TPRN: variants seen among roughly 807,000 people sequenced by gnomAD.
The protein encoded by TPRN is chromosome 9 open reading frame 75.
A neutral mutation model predicts 42.6 loss-of-function variants in TPRN; 32 were observed. That is an observed-to-expected ratio of 0.75 (90% CI 0.57 to 1.01). The LOEUF (loss-of-function observed/expected upper bound fraction) is 1.01, where lower values mean the gene tolerates loss of function less well. TPRN is among the 50% of genes least tolerant of loss of function. The probability of loss-of-function intolerance (pLI) is 0.00; values close to 1 mark genes in which losing one functional copy is unlikely to be tolerated. For missense variants in TPRN, 1,095 were observed against 957.5 expected (o/e 1.14, Z -1.90); for synonymous variants, 541 against 445.6 (o/e 1.21, Z -2.70).
chr9:137,198,314 G>A (rs760497152), intron 1 of TPRN, among the ~76,000 whole-genome samples: 64 of 152,324 alleles, frequency 4.2e-4, no homozygotes, highest in Admixed American at 3.3e-4. Flanking sequence ...AGGATTCCAG[G>A]CCACTGGCCA....
In TPRN at chr9:137,199,432, G is replaced by A. The variant is rs377313060; in HGVS notation, c.1280C>T (p.Ser427Leu). Residue 427 changes from serine to leucine, a missense_variant, in exon 1 of 4, where the codon TCG (serine) becomes TTG (leucine). Ser to Leu is a moderately radical substitution (Grantham distance 145). Transcript: ENST00000409012. The part of the protein sequence containing the change: ...SSPPPFLPAA[S>L]EEAEPAEGLR... ...GCCCTCAGCAGGCTCAGCTTCTTCC[G>A]AAGCAGCCGGCAGGAAGGGGGGCGG... 53 of 1,610,730 alleles carry A rather than the reference G, an allele frequency of 3.3e-5. No homozygotes were observed. The highest frequency in any genetic ancestry group is 4.2e-5 in the Non-Finnish European group (49 of 1,179,214).
intron 1 of TPRN, among the ~76,000 whole-genome samples, chr9:137,198,493 C>T (rs560731046): frequency 2.0e-5 from 3 of 152,360 alleles, no homozygotes; most frequent in African/African-American, 7.2e-5. Flanking sequence ...GGCTGCACCC[C>T]AAGGCTGACT....
intron 3 of TPRN, 41 bp downstream of exon 3, chr9:137,192,218 G>A: frequency 1.2e-6 from 2 of 1,613,332 alleles, no homozygotes; most frequent in Non-Finnish European, 1.7e-6. Context: ...GCTCGCCCGG[G>A]TGTCAGACTC....
intron 1 of TPRN, among the ~76,000 whole-genome samples, chr9:137,197,072 C>T (rs1182776974): frequency 6.6e-6 from 1 of 152,188 alleles, no homozygotes; most frequent in Non-Finnish European, 1.5e-5. Context: ...AACCCAGCCG[C>T]AAATGACCCC....
intron 1 of TPRN, chr9:137,194,618 G>C (rs569968867): frequency 6.6e-6 from 1 of 152,474 alleles, no homozygotes; most frequent in East Asian, 1.9e-4. Flanking sequence ...GGTGCACATG[G>C]GCCCTGAGCC....
At chr9:137,193,717 T>G (rs539797154) in intron 1 of TPRN, 1 of 152,348 alleles carries the variant, frequency 6.6e-6, no homozygotes, top group East Asian at 1.9e-4. Flanking sequence ...GCTCGAAATA[T>G]TAAACTCTTC....
chr9:137,199,670 T>C lies in TPRN; in HGVS notation c.1042A>G (p.Arg348Gly). The C allele has an allele frequency of 6.3e-7, 1 of 1,596,588 alleles. No individual in the cohort carries two copies. Residue 348 changes from arginine to glycine, a missense_variant, in exon 1 of 4, where the codon AGG becomes GGG. Transcript: ENST00000409012. ...KASGAPPPEG[R>G]QSVELPKGDL... Reference sequence around the variant, plus strand: ...CCCTTTGGCAGCTCCACGGACTGCCTCCCCTCAGGAGGAGGAGCCCCGGAG... The same window carrying C: ...CCCTTTGGCAGCTCCACGGACTGCCCCCCCTCAGGAGGAGGAGCCCCGGAG...
At position 137,200,181 on chromosome 9, in the gene TPRN, G is replaced by A. The variant is rs1203608568; in HGVS notation, c.531C>T (p.Pro177=). Residue 177 remains proline (P), a synonymous_variant, in exon 1 of 4, where the codon CCC becomes CCT. Coordinates refer to ENST00000409012, the MANE Select transcript of TPRN (RefSeq NM_001128228.3). This position sits in a 1 kb window ranked among gnomAD's most constrained non-coding sequence, Gnocchi z 4.3. ...CGCCACCGCGGGGCCCGGGCGCGGC[G>A]GGCGGGCTGGGGGCCGCGGGCGGGG... ...PRPPPAAPSP[P]AAPGPRGGGA... 2 of 1,025,018 alleles carry A rather than the reference G, an allele frequency of 2.0e-6. No homozygotes were observed. The highest frequency in any genetic ancestry group is 3.5e-5 in the African/African-American group (2 of 57,260). 63.5% of individuals were successfully genotyped at this position (1,025,018 alleles called of 1,614,324 possible).
Position 137,191,815 on chromosome 9 carries a change from T to A in TPRN, c.*297A>T. On this transcript the variant is annotated 3_prime_UTR_variant, in exon 4 of 4. Coordinates refer to ENST00000409012, the MANE Select transcript of TPRN (RefSeq NM_001128228.3). ...GGACAGGGAATGGCCAGGTGCAGAATCTGCACAGCCCCCTGCCGGGTCGCA... is the reference window on the plus strand; with the variant it reads ...GGACAGGGAATGGCCAGGTGCAGAAACTGCACAGCCCCCTGCCGGGTCGCA... The A allele has an allele frequency of 2.0e-6, 1 of 494,048 alleles. No homozygotes were observed. Among genetic ancestry groups the A allele is most frequent in the African/African-American group, 1.9e-5 (1 of 51,440 alleles). 30.6% of individuals were successfully genotyped at this position (494,048 alleles called of 1,614,324 possible). A position where few individuals can be genotyped will look rare whatever the true frequency, so the allele number is the denominator to read the frequency against.
At chr9:137,192,913 C>T (rs918998133) in intron 1 of TPRN, 1 of 592,922 alleles carries the variant, frequency 1.7e-6, no homozygotes, top group African/African-American at 1.9e-5. Context: ...CCATTCCAGC[C>T]AGGGACCAAA....
rs1348444112 is a variant in TPRN, at chr9:137,200,445, C to G, written c.267G>C (p.Val89=). ...LLERYRRVPG[V]RALRADSVLI... ...GGACGCTGTCGGCGCGGAGGGCGCG[C>G]ACGCCAGGCACGCGGCGGTACCGCT... The change falls in exon 1 of 4, where the codon GTG becomes GTC. Residue 89 remains valine, a synonymous_variant. Coordinates refer to ENST00000409012, the MANE Select transcript of TPRN (RefSeq NM_001128228.3). This position sits in a 1 kb window ranked among gnomAD's most constrained non-coding sequence, Gnocchi z 4.3. 1 of 1,117,472 alleles carries G rather than the reference C, an allele frequency of 8.9e-7. No homozygotes were observed. Among genetic ancestry groups the G allele is most frequent in the Admixed American group, 4.7e-5 (1 of 21,134 alleles). 69.2% of individuals were successfully genotyped at this position (1,117,472 alleles called of 1,614,324 possible).
rs780457382 is a variant in TPRN at position 137,200,003 on chromosome 9, G to A, written c.709C>T (p.Arg237Cys). The A allele has an allele frequency of 1.2e-4, 177 of 1,445,020 alleles. No homozygotes were observed. The highest frequency in any genetic ancestry group is 1.2e-4 in the Non-Finnish European group (130 of 1,104,920). 89.5% of individuals were successfully genotyped at this position (1,445,020 alleles called of 1,614,324 possible). A position where few individuals can be genotyped will look rare whatever the true frequency, so the allele number is the denominator to read the frequency against. The change falls in exon 1 of 4, where the codon CGC becomes TGC. Residue 237 changes from arginine to cysteine, a missense_variant. Coordinates refer to ENST00000409012, the MANE Select transcript of TPRN (RefSeq NM_001128228.3). This position sits in a 1 kb window ranked among gnomAD's most constrained non-coding sequence, Gnocchi z 4.3. ...GACCCAGGCGGGGAGCCCGCGAGGC[G>A]GTTGGCAGGGCCGGCCCGGGGCTCA... is the stretch of plus-strand genomic sequence containing the variant. ...APEPRAGPAN[R>C]LAGSPPGSGQ...
Position 137,191,933 on chromosome 9 carries a change from G to T in TPRN, c.*179C>A. Reference sequence around the variant, plus strand: ...GACCCTCCCAAATCAGGGCCGGGGAGTGAGACCCAGACCTGGCCCCGATGG... The same window carrying T: ...GACCCTCCCAAATCAGGGCCGGGGATTGAGACCCAGACCTGGCCCCGATGG... On this transcript the variant is annotated 3_prime_UTR_variant, in exon 4 of 4. Transcript: ENST00000409012. 1.3e-6 allele frequency: 1 copy of T among 761,358 alleles called. No homozygotes were observed. Among genetic ancestry groups the T allele is most frequent in the Non-Finnish European group, 2.2e-6 (1 of 454,114 alleles). 47.2% of individuals were successfully genotyped at this position (761,358 alleles called of 1,614,324 possible). A position where few individuals can be genotyped will look rare whatever the true frequency, so the allele number is the denominator to read the frequency against.
intron 1 of TPRN, among the ~76,000 whole-genome samples, chr9:137,196,663 C>A (rs148969305): frequency 1.3e-5 from 2 of 152,330 alleles, no homozygotes; most frequent in East Asian, 3.9e-4. Context: ...GGGCACCTCG[C>A]ACCCCCACCA....
rs1253757799 is a variant in TPRN at position 137,200,240 on chromosome 9, G to T, written c.472C>A (p.Pro158Thr). 4.1e-6 allele frequency: 4 copies of T among 970,004 alleles called. No individual in the cohort carries two copies. The highest frequency in any genetic ancestry group is 4.9e-6 in the Non-Finnish European group (4 of 820,682). 60.1% of individuals were successfully genotyped at this position (970,004 alleles called of 1,614,324 possible). Residue 158 changes from proline to threonine, a missense_variant, in exon 1 of 4, where the codon CCG (proline) becomes ACG (threonine). By Grantham distance (38) the Pro-to-Thr change is conservative. Coordinates refer to ENST00000409012, the MANE Select transcript of TPRN (RefSeq NM_001128228.3). The surrounding 1 kb of genome is among the most constrained non-coding windows in gnomAD (Gnocchi z 4.3). ...GGCGCGGGCGGCGGCGGCGGCGGCG[G>T]GGGGCGGGCGCGCTCGGGGCTCCCG... ...RRGSPERARP[P>T]PPPPPPAPPR... is the part of the protein sequence containing the mutation.
chr9:137,198,685 G>A (rs1199303038), intron 1 of TPRN, among the ~76,000 whole-genome samples: 5 of 152,238 alleles, frequency 3.3e-5, no homozygotes, highest in East Asian at 1.9e-4. Context: ...GGACAGACCC[G>A]CCCAGCTAAT....
Position 137,200,100 on chromosome 9 carries a change from G to T in TPRN, c.612C>A (p.Ser204=), listed in dbSNP as rs1588776885. The T allele has an allele frequency of 7.6e-7, 1 of 1,323,554 alleles. No individual in the cohort carries two copies. The highest frequency in any genetic ancestry group is 9.6e-7 in the Non-Finnish European group (1 of 1,041,042). The allele number at this position is 1,323,554 out of a possible 1,614,324, so 82.0% of individuals were successfully genotyped here. Residue 204 remains serine (S), a synonymous_variant, in exon 1 of 4, where the codon TCC becomes TCA. Coordinates refer to ENST00000409012, the MANE Select transcript of TPRN (RefSeq NM_001128228.3). This position sits in a 1 kb window ranked among gnomAD's most constrained non-coding sequence, Gnocchi z 4.3. Reference sequence around the variant, plus strand: ...GCAGACCCCGGGGGTGGACGGTGAAGGAGTTGCTGCCGGTCTTCTGGAGGA... The same window carrying T: ...GCAGACCCCGGGGGTGGACGGTGAATGAGTTGCTGCCGGTCTTCTGGAGGA... The part of the protein sequence containing the change: ...SDFLQKTGSN[S]FTVHPRGLHR...
chr9:137,195,621 A>G (rs1405892947), intron 1 of TPRN, among the ~76,000 whole-genome samples: 1 of 152,158 alleles, frequency 6.6e-6, no homozygotes, highest in Non-Finnish European at 1.5e-5. Flanking sequence ...TGGAGGCGGA[A>G]GTTGCACAGC....
In TPRN at chr9:137,199,691, C is replaced by T. The variant is rs754228459; in HGVS notation, c.1021G>A (p.Gly341Arg). Residue 341 changes from glycine (G) to arginine (R), a missense_variant, in exon 1 of 4, where the codon GGG becomes AGG. Physicochemically the swap from Gly to Arg is moderately radical, Grantham distance 125 (BLOSUM62 -2). Transcript: ENST00000409012. ...TGCCTCCCCTCAGGAGGAGGAGCCC[C>T]GGAGGCCTTGCTCTTGGGGATGACC... ...FMVIPKSKAS[G>R]APPPEGRQSV... 1.2e-6 allele frequency: 2 copies of T among 1,607,424 alleles called. No individual in the cohort carries two copies. The highest frequency in any genetic ancestry group is 1.7e-6 in the Non-Finnish European group (2 of 1,177,688).
Sources: gnomAD v4.1 joint callset for allele counts (sites outside exome capture counted in the v4.1 genomes callset) on GRCh38, gnomAD v4.1.1 for gene constraint, Gnocchi (gnomAD v3.1) non-coding constraint, MANE v1.5 for transcripts, NCBI Gene and HGNC (gene_info 2026-07-23, HGNC 2026-07-21) for gene names.